ARHGAP40: variants seen among roughly 807,000 people sequenced by gnomAD.
ARHGAP40 encodes the protein Rho GTPase activating protein 40, also known as rho GTPase-activating protein 40.
Under a neutral mutation model 73.5 loss-of-function variants are expected in ARHGAP40, and 43 were observed. That is an observed-to-expected ratio of 0.58 (90% confidence interval 0.46 to 0.75). The LOEUF (loss-of-function observed/expected upper bound fraction) is 0.75. ARHGAP40 is among the 30% of genes least tolerant of loss of function. The pLI, the probability that ARHGAP40 is intolerant of heterozygous loss-of-function variation, is 0.00. For synonymous variants in ARHGAP40, 300 were observed against 352.8 expected, an observed-to-expected ratio of 0.85 and a Z score of 1.68; for missense variants, 734 against 861.8, an observed-to-expected ratio of 0.85 and a Z score of 1.86.
intron 2 of ARHGAP40, among the ~76,000 whole-genome samples, 198 bp downstream of exon 2, chr20:38,623,756 A>G (rs774807501): frequency 1.3e-5 from 2 of 152,194 alleles, no homozygotes; most frequent in Non-Finnish European, 2.9e-5. Context: ...AGTCAAGACG[A>G]TCTTTTAGTA....
chr20:38,649,726 A>T, intron 14 of ARHGAP40, 31 bp from the exon 15 acceptor site: 2 of 1,256,088 alleles, frequency 1.6e-6, no homozygotes, highest in Non-Finnish European at 2.1e-6. Context: ...ACAGCCTCCC[A>T]CTCAACCTCC....
chr20:38,603,475 A>T (rs1374238222), intron 1 of ARHGAP40, among the ~76,000 whole-genome samples: 1 of 150,452 alleles, frequency 6.6e-6, no homozygotes, highest in Non-Finnish European at 1.5e-5. Context: ...TCTATATCTA[A>T]TCTATCCATC....
intron 1 of ARHGAP40, among the ~76,000 whole-genome samples, chr20:38,615,692 A>T (rs2088832683): frequency 6.6e-6 from 1 of 152,140 alleles, no homozygotes; most frequent in East Asian, 1.9e-4. Flanking sequence ...GCACACAGCC[A>T]GTGGCGTGTG....
intron 5 of ARHGAP40, among the ~76,000 whole-genome samples, chr20:38,633,444 G>A (rs2145608155): frequency 6.6e-6 from 1 of 152,318 alleles, no homozygotes; most frequent in South Asian, 2.1e-4. Flanking sequence ...TACTCACTAT[G>A]TGTCGGGCAC....
At chr20:38,631,273 T>C (rs1361729972) in intron 5 of ARHGAP40, among the ~76,000 whole-genome samples, 1 of 142,444 alleles carries the variant, frequency 7.0e-6, no homozygotes, top group Non-Finnish European at 1.5e-5. Flanking sequence ...ATTGCACCAC[T>C]GCTCTCCAGC....
intron 1 of ARHGAP40, among the ~76,000 whole-genome samples, chr20:38,619,492 G>A (rs1377964646): frequency 1.3e-5 from 2 of 151,602 alleles, no homozygotes; most frequent in South Asian, 2.1e-4. Context: ...AGGGTGTGAG[G>A]AGTGGCTCTC....
intron 7 of ARHGAP40, among the ~76,000 whole-genome samples, chr20:38,638,341 A>T (rs1209321298): frequency 3.9e-5 from 6 of 152,064 alleles, no homozygotes; most frequent in Non-Finnish European, 8.8e-5. Flanking sequence ...TAAATAAATA[A>T]GTAAATTTTT....
chr20:38,620,035 G>A (rs2088866054), intron 1 of ARHGAP40, among the ~76,000 whole-genome samples: 1 of 152,154 alleles, frequency 6.6e-6, no homozygotes, highest in African/African-American at 2.4e-5. Context: ...TCGCGCCATT[G>A]CCTTCGAGAC....
intron 7 of ARHGAP40, among the ~76,000 whole-genome samples, chr20:38,638,241 G>C (rs1216032265): frequency 1.3e-5 from 2 of 152,040 alleles, no homozygotes; most frequent in Non-Finnish European, 2.9e-5. Context: ...TGTGAACCCA[G>C]GAGGCGGAGC....
At chr20:38,604,616 G>C (rs756459285) in intron 1 of ARHGAP40, among the ~76,000 whole-genome samples, 6 of 151,976 alleles carry the variant, frequency 3.9e-5, no homozygotes, top group Non-Finnish European at 8.8e-5. Flanking sequence ...GGCTGGTCTC[G>C]AACTCCTGAG....
At position 38,602,218 on chromosome 20, in the gene ARHGAP40, G is replaced by A. The variant is rs1031848667; in HGVS notation, c.137+139G>A. 1.3e-5 allele frequency: 14 copies of A among 1,094,224 alleles called. No individual in the cohort carries two copies. In the South Asian group the frequency reaches 1.9e-4, roughly 15 times the overall value. The allele number at this position is 1,094,224 out of a possible 1,614,324, so 67.8% of individuals were successfully genotyped here. ...GAGGAAACAGAGGCTTGGAGAGCCC[G>A]GTCACCTGGCTGTCAAGTGGTGGAG... On this transcript the variant is annotated intron_variant, in intron 1 of 14. Transcript: ENST00000373345.
exon 15 of ARHGAP40, chr20:38,650,334 C>A (rs1465036671): frequency 2.1e-6 from 1 of 470,912 alleles, no homozygotes; most frequent in Non-Finnish European, 4.4e-6. Flanking sequence ...GGGGTCTTTT[C>A]CCCCCAGGCA....
intron 5 of ARHGAP40, among the ~76,000 whole-genome samples, chr20:38,633,948 G>A (rs2088957374): frequency 6.6e-6 from 1 of 152,210 alleles, no homozygotes; most frequent in South Asian, 2.1e-4. Context: ...TCTTCTCCAG[G>A]TCCTCTTGTG....
chr20:38,602,179 T>G, intron 1 of ARHGAP40, 100 bp downstream of exon 1: 2 of 1,181,934 alleles, frequency 1.7e-6, no homozygotes, highest in Non-Finnish European at 2.1e-6. Context: ...AGAATCTTCC[T>G]CCATCGTACA....
chr20:38,622,261 T>C (rs1426808423), intron 1 of ARHGAP40, among the ~76,000 whole-genome samples: 2 of 152,216 alleles, frequency 1.3e-5, no homozygotes, highest in Non-Finnish European at 2.9e-5. Context: ...TCTATAGAAC[T>C]TGCAGAATAT....
intron 9 of ARHGAP40, among the ~76,000 whole-genome samples, chr20:38,641,022 G>A (rs956446657): frequency 1.3e-5 from 2 of 151,500 alleles, no homozygotes; most frequent in Non-Finnish European, 3.0e-5. Flanking sequence ...ACTGAGCACA[G>A]CACCTGACAG....
chr20:38,639,073 C>T (rs1045799786), intron 8 of ARHGAP40, among the ~76,000 whole-genome samples, 154 bp from the exon 9 acceptor site: 2 of 152,192 alleles, frequency 1.3e-5, no homozygotes, highest in African/African-American at 2.4e-5. Flanking sequence ...GTGACACGCA[C>T]GTTAGACCAT....
chr20:38,610,968 C>T (rs1277421975), intron 1 of ARHGAP40, among the ~76,000 whole-genome samples: 3 of 150,764 alleles, frequency 2.0e-5, no homozygotes, highest in Non-Finnish European at 4.4e-5. Flanking sequence ...CAGCTCACTG[C>T]AACCTCCACC....
intron 3 of ARHGAP40, among the ~76,000 whole-genome samples, chr20:38,627,828 C>T (rs2088912263): frequency 6.6e-6 from 1 of 152,154 alleles, no homozygotes; most frequent in Non-Finnish European, 1.5e-5. Flanking sequence ...ACTGTGTGTC[C>T]TTGGGTGAGC....
Sources: allele counts gnomAD v4.1 joint callset (sites outside exome capture counted in the v4.1 genomes callset), GRCh38; gene constraint gnomAD v4.1.1; transcripts MANE v1.5; gene names NCBI Gene and HGNC (gene_info 2026-07-23, HGNC 2026-07-21).